Variants in RLN2 observed in about 807,000 individuals in gnomAD.
RLN2 encodes relaxin 2.
A neutral mutation model predicts 7.3 loss-of-function variants in RLN2; 10 were observed. That is an observed-to-expected ratio of 1.36 (90% confidence interval 0.84 to 2.31). The LOEUF is 2.31. RLN2 is among the 30% of genes most tolerant of loss of function. RLN2 has a pLI of 0.00. For missense variants in RLN2, 298 were observed against 217.6 expected (o/e 1.37, Z -2.32); for synonymous variants, 103 against 82.3 (o/e 1.25, Z -1.36).
At chr9:5,304,070 C>T in intron 1 of RLN2, 1 of 240,224 alleles carries the variant, frequency 4.2e-6, no homozygotes, top group South Asian at 2.4e-5. Context: ...CCCTCCCTTT[C>T]CACCCCGTCG....
chr9:5,337,351 AT>A, the RLN2 span, among the ~76,000 whole-genome samples: 1 of 152,068 alleles, frequency 6.6e-6, no homozygotes, highest in South Asian at 2.1e-4. Context: ...TTAAAATTAT[AT>A]TTTTAAACCT....
chr9:5,336,394 G>C, the RLN2 span, among the ~76,000 whole-genome samples: 1 of 151,976 alleles, frequency 6.6e-6, no homozygotes. Context: ...CCTAGGAAGG[G>C]CCTGTTCTTA....
chr9:5,307,572 A>AT (rs1005122657), upstream of RLN2, among the ~76,000 whole-genome samples: 6 of 151,938 alleles, frequency 3.9e-5, no homozygotes, highest in African/African-American at 1.5e-4. Flanking sequence ...GCCTCCACGG[A>AT]TTTTGTGGAG....
At chr9:5,337,350 T>C in the RLN2 span, among the ~76,000 whole-genome samples, 1 of 152,080 alleles carries the variant, frequency 6.6e-6, no homozygotes, top group Non-Finnish European at 1.5e-5. Context: ...ATTAAAATTA[T>C]ATTTTTAAAC....
chr9:5,329,309 C>CAAAAAAAAAAAAA, the RLN2 span, among the ~76,000 whole-genome samples: 14 of 53,272 alleles, frequency 2.6e-4, no homozygotes, highest in Admixed American at 4.9e-4. Flanking sequence ...GACTCCATCT[C>CAAAAAAAAAAAAA]AAAAAAAAAA....
the RLN2 span, among the ~76,000 whole-genome samples, chr9:5,312,325 T>C: frequency 2.6e-5 from 4 of 152,072 alleles, no homozygotes; most frequent in East Asian, 1.9e-4. Flanking sequence ...CCCCCAATCA[T>C]TGGTTACAAG....
At chr9:5,301,861 T>C (rs1456289618) in intron 1 of RLN2, among the ~76,000 whole-genome samples, 1 of 152,194 alleles carries the variant, frequency 6.6e-6, no homozygotes, top group Non-Finnish European at 1.5e-5. Context: ...TAGTATTTCA[T>C]CCTTCCTCCC....
chr9:5,337,135 C>G, the RLN2 span, among the ~76,000 whole-genome samples: 1 of 151,936 alleles, frequency 6.6e-6, no homozygotes, highest in African/African-American at 2.4e-5. Context: ...GGCATTTTCC[C>G]TCATTAAGAC....
At chr9:5,324,573 G>C in the RLN2 span, among the ~76,000 whole-genome samples, 1 of 151,746 alleles carries the variant, frequency 6.6e-6, no homozygotes. Flanking sequence ...ACCTAACCAG[G>C]AATTTAACAT....
At chr9:5,328,735 G>A in the RLN2 span, among the ~76,000 whole-genome samples, 10 of 149,538 alleles carry the variant, frequency 6.7e-5, no homozygotes, top group Admixed American at 2.0e-4. Flanking sequence ...CTACAAGCCA[G>A]AGGAGAGCGG....
chr9:5,330,569 C>T, the RLN2 span, among the ~76,000 whole-genome samples: 1 of 140,286 alleles, frequency 7.1e-6, no homozygotes, highest in Non-Finnish European at 1.5e-5. Context: ...ACTGGGGAGG[C>T]AGAGCTTGCA....
chr9:5,327,691 G>A, the RLN2 span, among the ~76,000 whole-genome samples: 1 of 151,972 alleles, frequency 6.6e-6, no homozygotes, highest in Non-Finnish European at 1.5e-5. Flanking sequence ...GTGCCCCTCT[G>A]GGATGAAGCT....
At chr9:5,314,967 C>A in the RLN2 span, among the ~76,000 whole-genome samples, 1 of 151,756 alleles carries the variant, frequency 6.6e-6, no homozygotes, top group African/African-American at 2.4e-5. Context: ...CCATGCCTTC[C>A]AGAGTCAAAG....
chr9:5,308,118 C>CT (rs1816286933), upstream of RLN2, among the ~76,000 whole-genome samples: 3 of 151,926 alleles, frequency 2.0e-5, no homozygotes, highest in Admixed American at 2.0e-4. Flanking sequence ...GCCTCCAGTG[C>CT]TGACTCTCCC....
the RLN2 span, among the ~76,000 whole-genome samples, chr9:5,326,610 G>C: frequency 2.2e-4 from 34 of 152,132 alleles, no homozygotes; most frequent in Middle Eastern, 3.4e-3. Flanking sequence ...GGGGACAAGG[G>C]GGGAGGGCAT....
At chr9:5,321,619 G>T in the RLN2 span, among the ~76,000 whole-genome samples, 3 of 151,862 alleles carry the variant, frequency 2.0e-5, no homozygotes, top group Admixed American at 6.6e-5. Context: ...GGAGGGAAGG[G>T]ATGCAGGGTG....
chr9:5,323,072 T>G, the RLN2 span, among the ~76,000 whole-genome samples: 1 of 151,610 alleles, frequency 6.6e-6, no homozygotes, highest in African/African-American at 2.4e-5. Context: ...CTGGAGAGAC[T>G]TTTATCTGCA....
chr9:5,335,864 G>A, the RLN2 span, among the ~76,000 whole-genome samples: 1 of 151,948 alleles, frequency 6.6e-6, no homozygotes, highest in East Asian at 1.9e-4. Context: ...TTTTATCATA[G>A]TACTTTTGAC....
the RLN2 span, chr9:5,335,586 A>G: frequency 1.2e-6 from 2 of 1,603,206 alleles, no homozygotes; most frequent in Non-Finnish European, 1.7e-6. Flanking sequence ...TTGATGAAGG[A>G]TGGTACAATT....
Sources: gnomAD v4.1 joint callset for allele counts (sites outside exome capture counted in the v4.1 genomes callset) on GRCh38, gnomAD v4.1.1 for gene constraint, MANE v1.5 for transcripts, NCBI Gene and HGNC (gene_info 2026-07-23, HGNC 2026-07-21) for gene names.